Variants in EXOC4 observed in about 807,000 individuals in gnomAD.
EXOC4 encodes the protein exocyst complex component 4.
EXOC4 carries 71 observed loss-of-function variants against 107.2 expected under a neutral mutation model. The ratio of observed to expected loss-of-function variants is 0.66; its 90% CI spans 0.55 to 0.81. The LOEUF (loss-of-function observed/expected upper bound fraction) is 0.81. EXOC4 is among the 30% of genes least tolerant of loss of function. The pLI is 0.00. For synonymous variants in EXOC4, 456 were observed against 441.2 expected (o/e 1.03, Z -0.42); for missense variants, 1,108 against 1,189.6 (o/e 0.93, Z 1.01).
At chr7:134,066,937 G>A (rs1796185189), downstream of EXOC4, among the ~76,000 whole-genome samples, 1 of 152,072 alleles carries the variant, frequency 6.6e-6, no homozygotes, top group Admixed American at 6.6e-5. Flanking sequence ...CAGATCAGGA[G>A]GTCAGGAGTT....
intron 7 of EXOC4, among the ~76,000 whole-genome samples, chr7:133,439,770 A>G (rs1798064104): frequency 6.6e-6 from 1 of 152,158 alleles, no homozygotes; most frequent in South Asian, 2.1e-4. Flanking sequence ...GCAAAGATGT[A>G]GGAGGAGATT....
rs1796457575 is a variant in EXOC4 at position 133,375,020 on chromosome 7, A to G, written c.1182+18A>G. The G allele has an allele frequency of 6.2e-7, 1 of 1,604,980 alleles. No individual in the cohort carries two copies. Among genetic ancestry groups the G allele is most frequent in the East Asian group, 2.2e-5 (1 of 44,722 alleles). On this transcript the variant is annotated intron_variant, in intron 7 of 17. Transcript: ENST00000253861. ...TTCTACAGGTAAGAGCCTTTTACAA[A>G]GGGTGTCATCTTGATTCAGAGTAAC...
chr7:133,952,192 A>G (rs1460143291), intron 14 of EXOC4, among the ~76,000 whole-genome samples: 2 of 152,086 alleles, frequency 1.3e-5, no homozygotes, highest in African/African-American at 4.8e-5. Flanking sequence ...AAGCTGTTGA[A>G]TTGTGGCTTC....
At chr7:133,317,132 G>A (rs1795007136) in intron 4 of EXOC4, 152 bp from the exon 5 acceptor site, 2 of 566,014 alleles carry the variant, frequency 3.5e-6, no homozygotes, top group East Asian at 5.8e-5. Context: ...GAAATATACT[G>A]GGGAGATCCA....
chr7:133,402,947 C>T (rs952144669), intron 7 of EXOC4, among the ~76,000 whole-genome samples: 8 of 143,028 alleles, frequency 5.6e-5, no homozygotes, highest in Non-Finnish European at 4.5e-5. Flanking sequence ...AGCAGTGGAA[C>T]GATCTTGGCT....
intron 9 of EXOC4, among the ~76,000 whole-genome samples, chr7:133,618,647 A>G (rs1190559905): frequency 6.6e-6 from 1 of 152,022 alleles, no homozygotes; most frequent in African/African-American, 2.4e-5. Flanking sequence ...AACATAGAAC[A>G]CTTAACCTTT....
At chr7:133,338,943 G>C (rs1005118790) in intron 5 of EXOC4, among the ~76,000 whole-genome samples, 1 of 151,782 alleles carries the variant, frequency 6.6e-6, no homozygotes, top group Admixed American at 6.6e-5. Flanking sequence ...TTAGGGACTG[G>C]GTTTCTCCAT....
intron 17 of EXOC4, among the ~76,000 whole-genome samples, chr7:134,011,037 T>C (rs1201848524): frequency 6.6e-6 from 1 of 152,246 alleles, no homozygotes; most frequent in Non-Finnish European, 1.5e-5. Flanking sequence ...GTAATGATCA[T>C]TTAAGCTCTC....
chr7:133,536,365 C>G (rs1039260342), intron 9 of EXOC4, among the ~76,000 whole-genome samples: 1 of 152,112 alleles, frequency 6.6e-6, no homozygotes, highest in Non-Finnish European at 1.5e-5. Context: ...GTTTACAGCC[C>G]CGAAGTCCTA....
At chr7:133,253,401 C>G in intron 1 of EXOC4, 1 of 1,321,596 alleles carries the variant, frequency 7.6e-7, no homozygotes, top group Non-Finnish European at 9.7e-7. Flanking sequence ...GGAGCCCCGC[C>G]TCAGTCTTTT....
intron 7 of EXOC4, among the ~76,000 whole-genome samples, chr7:133,393,273 A>G (rs919932844): frequency 1.3e-5 from 2 of 152,156 alleles, no homozygotes; most frequent in African/African-American, 2.4e-5. Context: ...TAATCAGATT[A>G]AAAAGGCTCT....
At chr7:134,073,205 C>CAAAAA in the EXOC4 span, among the ~76,000 whole-genome samples, 114 of 22,480 alleles carry the variant, frequency 5.1e-3, 8 homozygotes, top group Admixed American at 8.0e-3. Flanking sequence ...GACTTCCTCT[C>CAAAAA]AAAAAAAAAA....
chr7:133,884,685 T>C (rs1799043447), intron 11 of EXOC4, among the ~76,000 whole-genome samples: 1 of 151,974 alleles, frequency 6.6e-6, no homozygotes, highest in Admixed American at 6.6e-5. Flanking sequence ...TCTGACCATA[T>C]AGAACCTTAG....
chr7:133,619,472 T>C (rs1802274964), intron 9 of EXOC4, among the ~76,000 whole-genome samples: 1 of 152,178 alleles, frequency 6.6e-6, no homozygotes, highest in African/African-American at 2.4e-5. Flanking sequence ...AAAACAAGAT[T>C]GATAGGCTCA....
intron 13 of EXOC4, among the ~76,000 whole-genome samples, chr7:133,924,297 A>C (rs1189853999): frequency 6.6e-6 from 1 of 152,182 alleles, no homozygotes; most frequent in African/African-American, 2.4e-5. Flanking sequence ...TAAATGACTA[A>C]ATATCTTTTT....
chr7:134,027,012 T>C (rs181776685), intron 17 of EXOC4, among the ~76,000 whole-genome samples: 1 of 152,288 alleles, frequency 6.6e-6, no homozygotes, highest in Non-Finnish European at 1.5e-5. Flanking sequence ...TTTTAACCTG[T>C]ATATGACAAA....
In EXOC4 at chr7:133,823,893, T is replaced by TAAA. The variant is rs1554405881; in HGVS notation, c.1734+6349_1734+6350insAAA. Reference sequence around the variant, plus strand: ...TATATTATATATATATATATATATATTTTATATATATATATATAAATATAT... The same window carrying TAAA: ...TATATTATATATATATATATATATATAAATTTATATATATATATATAAATATAT... On this transcript the variant is annotated intron_variant, in intron 11 of 17. Transcript: ENST00000253861. Among the ~76,000 whole-genome samples, 76 of 18,604 alleles carry TAAA rather than the reference T, an allele frequency of 4.1e-3. 2 individuals are homozygous for TAAA. In the African/African-American group the frequency reaches 0.05, roughly 12 times the overall value. 12.2% of individuals were successfully genotyped at this position (18,604 alleles called of 152,430 possible).
chr7:133,454,778 A>G (rs1798425488), intron 7 of EXOC4, among the ~76,000 whole-genome samples: 1 of 152,168 alleles, frequency 6.6e-6, no homozygotes, highest in Non-Finnish European at 1.5e-5. Context: ...GAAACTAAAG[A>G]TAGTACAGAA....
intron 17 of EXOC4, among the ~76,000 whole-genome samples, chr7:134,045,922 A>T (rs918135064): frequency 2.0e-5 from 3 of 152,200 alleles, no homozygotes; most frequent in African/African-American, 7.2e-5. Context: ...TATTTTCAAG[A>T]TTTATAAAAT....
Sources: allele counts gnomAD v4.1 joint callset (sites outside exome capture counted in the v4.1 genomes callset), GRCh38; gene constraint gnomAD v4.1.1; transcripts MANE v1.5; gene names NCBI Gene and HGNC (gene_info 2026-07-23, HGNC 2026-07-21).